SENP3: variants seen among roughly 807,000 people sequenced by gnomAD.
The protein encoded by SENP3 is SUMO specific peptidase 3.
In SENP3, 11 loss-of-function variants were observed where a neutral mutation model predicts 66.2. That is an observed-to-expected ratio of 0.17 (90% confidence interval 0.10 to 0.28). SENP3 has a LOEUF of 0.28. Among genes scored for constraint, SENP3 ranks in the 10% least tolerant of loss-of-function variants. The pLI, the probability that SENP3 is intolerant of heterozygous loss-of-function variation, is 1.00. For missense variants in SENP3, 548 were observed against 743.7 expected, an observed-to-expected ratio of 0.74 and a Z score of 3.06; for synonymous variants, 292 against 277.6, an observed-to-expected ratio of 1.05 and a Z score of -0.52.
Position 7,562,014 on chromosome 17 carries a change from G to A in SENP3, c.-261G>A. 1 of 399,432 alleles carries A rather than the reference G, an allele frequency of 2.5e-6. No homozygotes were observed. Among genetic ancestry groups the A allele is most frequent in the Admixed American group, 4.4e-5 (1 of 22,630 alleles). The allele number at this position is 399,432 out of a possible 1,614,324, so 24.7% of individuals were successfully genotyped here. Reference sequence around the variant, plus strand: ...GAGGAGTGGCGGCGGCGGCGGTGGCGCTGGTGGCGGCGGTGGCGGAGGTGG... The same window carrying A: ...GAGGAGTGGCGGCGGCGGCGGTGGCACTGGTGGCGGCGGTGGCGGAGGTGG... On this transcript the variant is annotated 5_prime_UTR_variant, in exon 1 of 11. Transcript: ENST00000321337. The surrounding 1 kb of genome is among the most constrained non-coding windows in gnomAD (Gnocchi z 5.0).
chr17:7,566,033 T>TAA, intron 6 of SENP3: 9 of 295,476 alleles, frequency 3.0e-5, no homozygotes, highest in East Asian at 5.6e-5. Context: ...AAACAAGATT[T>TAA]AAAAAAAAAA....
rs1275654728 is a variant in SENP3, at chr17:7,571,063, C to T, written c.1614+130C>T. On this transcript the variant is annotated intron_variant, in intron 10 of 10. Coordinates refer to ENST00000321337, the MANE Select transcript of SENP3 (RefSeq NM_015670.6). ...GCAGGAAGTAATCTGTTTTAGAACA[C>T]CAAAACACTGGCTTCACTGGTTCTC... 57 of 791,092 alleles carry T rather than the reference C, an allele frequency of 7.2e-5. No individual in the cohort carries two copies. In the South Asian group the frequency reaches 9.9e-4, roughly 14 times the overall value. 49.0% of individuals were successfully genotyped at this position (791,092 alleles called of 1,614,324 possible).
rs1389600906 is a variant in SENP3 at position 7,567,418 on chromosome 17, C to T, written c.1341+414C>T. On this transcript the variant is annotated intron_variant, in intron 7 of 10. Transcript: ENST00000321337. ...CTGTAAGCCCAGCTATTCCTGGAGGCGGAGGCAGGAGAATCCCATGAACCT... is the reference window on the plus strand; with the variant it reads ...CTGTAAGCCCAGCTATTCCTGGAGGTGGAGGCAGGAGAATCCCATGAACCT... 4.0e-5 allele frequency among the ~76,000 whole-genome samples: 6 copies of T among 151,756 alleles called. No individual in the cohort carries two copies. In the East Asian group the frequency reaches 1.2e-3, roughly 29 times the overall value.
intron 4 of SENP3, 54 bp downstream of exon 4, chr17:7,565,124 G>A (rs903208921): frequency 1.5e-6 from 2 of 1,297,210 alleles, no homozygotes; most frequent in Admixed American, 3.8e-5. Flanking sequence ...GGGATGTGGA[G>A]AGAATACTGC....
In SENP3 at chr17:7,562,535, TC is replaced by T. The variant is rs2071226715; in HGVS notation, c.-12+276del. Among the ~76,000 whole-genome samples, 1 of 152,220 alleles carries T rather than the reference TC, an allele frequency of 6.6e-6. No individual in the cohort carries two copies. The highest frequency in any genetic ancestry group is 2.1e-4 in the South Asian group (1 of 4,834). The stretch of plus-strand genomic sequence containing the variant: ...CTCTTTAAGTTTCCTTCAAAGTTCT[TC>T]CCCGTTTATCAGCCTCTGCCCCCTG... On this transcript the variant is annotated intron_variant, in intron 1 of 10. Coordinates refer to ENST00000321337, the MANE Select transcript of SENP3 (RefSeq NM_015670.6). The surrounding 1 kb of genome is among the most constrained non-coding windows in gnomAD (Gnocchi z 5.0).
Position 7,570,656 on chromosome 17 carries a change from A to G in SENP3, c.1480-25A>G, listed in dbSNP as rs750200262. 6.2e-6 allele frequency: 10 copies of G among 1,606,940 alleles called. No individual in the cohort carries two copies. Among genetic ancestry groups the G allele is most frequent in the Non-Finnish European group, 7.7e-6 (9 of 1,176,060 alleles). On this transcript the variant is annotated intron_variant, in intron 8 of 10. Coordinates refer to ENST00000321337, the MANE Select transcript of SENP3 (RefSeq NM_015670.6). This position sits in a 1 kb window ranked among gnomAD's most constrained non-coding sequence, Gnocchi z 5.4. ...GTTCAATTGAGAAACTTAGGGCATC[A>G]CTTTCTTTTCCCCCATCCACATAGC...
rs1567731479 is a variant in SENP3, at chr17:7,571,885, AT to A, written c.*403del. 4.1e-3 allele frequency: 49 copies of A among 11,942 alleles called. 6 individuals are homozygous for A. The highest frequency in any genetic ancestry group is 4.8e-3 in the African/African-American group (18 of 3,732). The allele number at this position is 11,942 out of a possible 1,614,324, so 0.7% of individuals were successfully genotyped here. A position where few individuals can be genotyped will look rare whatever the true frequency, so the allele number is the denominator to read the frequency against. The stretch of plus-strand genomic sequence containing the variant: ...TATATATATATATATATATATATAT[AT>A]ATATATATATATATATATATATAAA... On this transcript the variant is annotated 3_prime_UTR_variant, in exon 11 of 11. Coordinates refer to ENST00000321337, the MANE Select transcript of SENP3 (RefSeq NM_015670.6).
chr17:7,566,890 T>C (rs1420471564), intron 6 of SENP3, 37 bp from the exon 7 acceptor site: 4 of 1,455,422 alleles, frequency 2.7e-6, no homozygotes, highest in Non-Finnish European at 3.8e-6. Context: ...TCTGAGGTCT[T>C]TTAATTCCAT....
rs2071256314 is a variant in SENP3 at position 7,564,939 on chromosome 17, C to T, written c.956-20C>T. The T allele has an allele frequency of 6.2e-7, 1 of 1,611,680 alleles. No individual in the cohort carries two copies. The highest frequency in any genetic ancestry group is 2.2e-5 in the East Asian group (1 of 44,806). ...GGAGAGTCTGGAGGCCTCACCCCCT[C>T]CTCTCTCCCTTTCCACCAGGCATCT... On this transcript the variant is annotated intron_variant, in intron 3 of 10. Coordinates refer to ENST00000321337, the MANE Select transcript of SENP3 (RefSeq NM_015670.6).
Position 7,564,801 on chromosome 17 carries a change from A to C in SENP3, c.892A>C (p.Arg298=). ...TTTGGGCATGGCAGAAGAGGCAGAGAGGCCTGGGGAGAAAGCCGGCCAGCA... is the reference window on the plus strand; with the variant it reads ...TTTGGGCATGGCAGAAGAGGCAGAGCGGCCTGGGGAGAAAGCCGGCCAGCA... ...SDLGMAEEAE[R]PGEKAGQHSP... is the part of the protein sequence containing the mutation. Residue 298 remains arginine (R), a synonymous_variant, in exon 3 of 11, where the codon AGG becomes CGG. Coordinates refer to ENST00000321337, the MANE Select transcript of SENP3 (RefSeq NM_015670.6). The C allele has an allele frequency of 6.2e-7, 1 of 1,613,868 alleles. No individual in the cohort carries two copies. The highest frequency in any genetic ancestry group is 1.1e-5 in the South Asian group (1 of 91,080).
In SENP3 at chr17:7,561,989, G is replaced by A. The variant is rs192910332; in HGVS notation, c.-286G>A. ...CGCGGGAGGGGAAGGAGGAGGGGGG[G>A]AGGAGTGGCGGCGGCGGCGGTGGCG... On this transcript the variant is annotated 5_prime_UTR_variant, in exon 1 of 11. Coordinates refer to ENST00000321337, the MANE Select transcript of SENP3 (RefSeq NM_015670.6). The surrounding 1 kb of genome is among the most constrained non-coding windows in gnomAD (Gnocchi z 4.4). The A allele has an allele frequency of 2.0e-5, 8 of 399,292 alleles. No individual in the cohort carries two copies. The highest frequency in any genetic ancestry group is 1.2e-4 in the African/African-American group (6 of 48,568). The allele number at this position is 399,292 out of a possible 1,614,324, so 24.7% of individuals were successfully genotyped here.
rs199816482 is a variant in SENP3 at position 7,564,625 on chromosome 17, G to A, written c.716G>A (p.Gly239Asp). Reference protein sequence around the residue: ...TPKSPLDPDSGLLSCTLPNGF... With the variant: ...TPKSPLDPDSDLLSCTLPNGF... ...CCATTCCATTTCCCCTGCCCTATAG[G>A]CCTCCTTTCATGTACTCTGCCCAAC... Residue 239 changes from glycine to aspartate, a missense_variant and splice_region_variant, in exon 3 of 11, where the codon GGC becomes GAC. Around this residue, in one of 6 missense-constraint regions of SENP3, gnomAD observed 215 missense variants for 230.7 expected, o/e 0.93. Transcript: ENST00000321337. The A allele has an allele frequency of 9.3e-6, 15 of 1,613,850 alleles. No individual in the cohort carries two copies. The Admixed American group carries it at 1.5e-4, about 16-fold the overall frequency.
At chr17:7,563,890 A>G (rs1202916199) in intron 2 of SENP3, 99 bp downstream of exon 2, 5 of 1,065,020 alleles carry the variant, frequency 4.7e-6, no homozygotes, top group South Asian at 1.7e-5. Context: ...AGCTGGGCTT[A>G]AGGAAAGTAG....
At chr17:7,563,933 A>C (rs2071245959) in intron 2 of SENP3, 142 bp downstream of exon 2, 2 of 721,702 alleles carry the variant, frequency 2.8e-6, no homozygotes, top group Admixed American at 6.5e-5. Flanking sequence ...AAGAGCTGCG[A>C]AATGTCTCCA....
chr17:7,564,090 A>G (rs151004177), intron 2 of SENP3, among the ~76,000 whole-genome samples: 10 of 152,298 alleles, frequency 6.6e-5, no homozygotes, highest in African/African-American at 2.4e-4. Context: ...AATCCTGTCC[A>G]CACGAAATCC....
At position 7,571,837 on chromosome 17, in the gene SENP3, TTATATATATATATATATATATA is replaced by T. The variant is rs58537439; in HGVS notation, c.*405_*426del. On this transcript the variant is annotated 3_prime_UTR_variant, in exon 11 of 11. Coordinates refer to ENST00000321337, the MANE Select transcript of SENP3 (RefSeq NM_015670.6). Reference sequence around the variant, plus strand: ...CACTGCCTGCCAGATCTTCAAACTTTTATATATATATATATATATATATATATATATATATATATATATATAT... The same window carrying T: ...CACTGCCTGCCAGATCTTCAAACTTTTATATATATATATATATATATATAT... 9 of 30,498 alleles carry T rather than the reference TTATATATATATATATATATATA, an allele frequency of 3.0e-4. No individual in the cohort carries two copies. Among genetic ancestry groups the T allele is most frequent in the Admixed American group, 1.0e-3 (2 of 1,920 alleles). The allele number at this position is 30,498 out of a possible 1,614,324, so 1.9% of individuals were successfully genotyped here.
chr17:7,561,931 T>C lies in SENP3; in HGVS notation c.-344T>C, dbSNP rs1389954232. Reference sequence around the variant, plus strand: ...CTCTTCGCCGGGTGTGACGTACTAATCGTGCGCCACCGCTGCCGGTGGGCC... The same window carrying C: ...CTCTTCGCCGGGTGTGACGTACTAACCGTGCGCCACCGCTGCCGGTGGGCC... On this transcript the variant is annotated 5_prime_UTR_variant, in exon 1 of 11. Coordinates refer to ENST00000321337, the MANE Select transcript of SENP3 (RefSeq NM_015670.6). The surrounding 1 kb of genome is among the most constrained non-coding windows in gnomAD (Gnocchi z 4.4). 2 of 385,582 alleles carry C rather than the reference T, an allele frequency of 5.2e-6. No individual in the cohort carries two copies. The highest frequency in any genetic ancestry group is 9.2e-6 in the Non-Finnish European group (2 of 217,410). 23.9% of individuals were successfully genotyped at this position (385,582 alleles called of 1,614,324 possible).
At position 7,570,810 on chromosome 17, in the gene SENP3, G is replaced by A; in HGVS notation, c.1563+46G>A. 1.9e-6 allele frequency: 3 copies of A among 1,601,978 alleles called. No individual in the cohort carries two copies. The South Asian group carries it at 3.3e-5, about 18-fold the overall frequency. On this transcript the variant is annotated intron_variant, in intron 9 of 10. Transcript: ENST00000321337. The surrounding 1 kb of genome is among the most constrained non-coding windows in gnomAD (Gnocchi z 5.4). ...GTATAGGGTGTTGGTGGGGACAGTG[G>A]TAGAAGGCAGAAATTGAAGTCCTAC...
intron 7 of SENP3, 124 bp downstream of exon 7, chr17:7,567,128 G>A: frequency 4.0e-6 from 3 of 741,660 alleles, no homozygotes; most frequent in Non-Finnish European, 7.2e-6. Flanking sequence ...CGTCTCTTGT[G>A]TGTGTAGGCA....
Sources: allele counts gnomAD v4.1 joint callset (sites outside exome capture counted in the v4.1 genomes callset), GRCh38; gene constraint gnomAD v4.1.1; regional missense constraint gnomAD v4.1.1; non-coding constraint Gnocchi (gnomAD v3.1); transcripts MANE v1.5; gene names NCBI Gene and HGNC (gene_info 2026-07-23, HGNC 2026-07-21).